PML: variants seen among roughly 807,000 people sequenced by gnomAD.
PML encodes PML nuclear body scaffold, also known as protein PML.
PML carries 28 observed loss-of-function variants against 65.2 expected under a neutral mutation model. The observed-to-expected ratio is 0.43, with a 90% CI of 0.32 to 0.59. The LOEUF (loss-of-function observed/expected upper bound fraction) is 0.59, where lower values mean the gene tolerates loss of function less well. Ranked by LOEUF, PML falls within the 20% of genes least tolerant of loss-of-function variation. The probability of loss-of-function intolerance (pLI) is 0.08; values close to 1 mark genes in which losing one functional copy is unlikely to be tolerated. For synonymous variants in PML, 500 were observed against 508.8 expected (o/e 0.98, Z 0.23); for missense variants, 1,021 against 1,203.4 (o/e 0.85, Z 2.24).
At chr15:74,033,954 T>C (rs1388016328) in intron 6 of PML, 3 of 336,966 alleles carry the variant, frequency 8.9e-6, no homozygotes, top group Non-Finnish European at 1.6e-5. Context: ...AAGAGAGTTC[T>C]AAGGATCTGC....
At chr15:74,038,535 T>G (rs750409076) in intron 7 of PML, among the ~76,000 whole-genome samples, 5 of 152,106 alleles carry the variant, frequency 3.3e-5, no homozygotes, top group Non-Finnish European at 7.4e-5. Flanking sequence ...AAAATATATA[T>G]TTTAAAACCC....
chr15:74,027,227 C>G (rs1462449982), intron 4 of PML: 1 of 152,146 alleles, frequency 6.6e-6, no homozygotes, highest in Non-Finnish European at 1.5e-5. Flanking sequence ...ACAAACAATG[C>G]TACAATGCAT....
chr15:74,047,426 T>A lies in PML; in HGVS notation c.*2418T>A, dbSNP rs1567143066. The A allele has an allele frequency of 4.4e-6, 1 of 229,626 alleles. No individual in the cohort carries two copies. Among genetic ancestry groups the A allele is most frequent in the Non-Finnish European group, 8.6e-6 (1 of 115,814 alleles). 14.2% of individuals were successfully genotyped at this position (229,626 alleles called of 1,614,324 possible). A position where few individuals can be genotyped will look rare whatever the true frequency, so the allele number is the denominator to read the frequency against. ...ATGCCCAGATTCCAGTCCTGGAGTTTTATTCTCTCAGCTTGATCCTTTGAC... is the reference window on the plus strand; with the variant it reads ...ATGCCCAGATTCCAGTCCTGGAGTTATATTCTCTCAGCTTGATCCTTTGAC... On this transcript the variant is annotated 3_prime_UTR_variant, in exon 9 of 9. Coordinates refer to ENST00000268058, the MANE Select transcript of PML (RefSeq NM_033238.3).
chr15:74,045,578 T>C lies in PML; in HGVS notation c.*570T>C, dbSNP rs565403333. On this transcript the variant is annotated 3_prime_UTR_variant, in exon 9 of 9. Transcript: ENST00000268058. ...CTCCTTTCATCCCAGAGGGGCCTCATCAGCAAAGACAGAAACTGATGTTCC... is the reference window on the plus strand; with the variant it reads ...CTCCTTTCATCCCAGAGGGGCCTCACCAGCAAAGACAGAAACTGATGTTCC... 4.3e-6 allele frequency: 1 copy of C among 233,940 alleles called. No individual in the cohort carries two copies. Among genetic ancestry groups the C allele is most frequent in the Admixed American group, 5.6e-5 (1 of 17,830 alleles). 14.5% of individuals were successfully genotyped at this position (233,940 alleles called of 1,614,324 possible).
chr15:74,001,526 A>G (rs2141722650), intron 2 of PML, among the ~76,000 whole-genome samples: 1 of 152,098 alleles, frequency 6.6e-6, no homozygotes, highest in East Asian at 1.9e-4. Context: ...TTTTTAGTAG[A>G]GACGGGGTTT....
intron 7 of PML, among the ~76,000 whole-genome samples, chr15:74,038,791 C>T (rs2071630578): frequency 6.6e-6 from 1 of 152,228 alleles, no homozygotes; most frequent in South Asian, 2.1e-4. Flanking sequence ...TTACTACTTT[C>T]CAAGTGTATC....
rs61751125 is a variant in PML, at chr15:74,044,733, C to T, written c.2374C>T (p.Arg792Trp). The change falls in exon 9 of 9, where the codon CGG (arginine) becomes TGG (tryptophan). Residue 792 changes from arginine to tryptophan, a missense_variant. By Grantham distance (101) the Arg-to-Trp change is moderately radical (BLOSUM62 -3). Coordinates refer to ENST00000268058, the MANE Select transcript of PML (RefSeq NM_033238.3). Reference sequence around the variant, plus strand: ...CCTGGTGCAGGCAGCTGTGCTGCCCCGGGCTGAGGCCCGCCTCCTGGCCCT... The same window carrying T: ...CCTGGTGCAGGCAGCTGTGCTGCCCTGGGCTGAGGCCCGCCTCCTGGCCCT... ...QPLVQAAVLPRAEARLLALHN... is the reference protein window; with the variant it reads ...QPLVQAAVLPWAEARLLALHN... 1.7e-5 allele frequency: 27 copies of T among 1,609,236 alleles called. No individual in the cohort carries two copies. Among genetic ancestry groups the T allele is most frequent in the Admixed American group, 6.7e-5 (4 of 60,014 alleles).
Position 74,037,614 on chromosome 15 carries a change from A to G in PML, c.1710+3084A>G. Reference sequence around the variant, plus strand: ...CCACCTCCTGCGCTTCCCCGCCAGTACCAGGGTGGCCTCTGTGCCTCTAGG... The same window carrying G: ...CCACCTCCTGCGCTTCCCCGCCAGTGCCAGGGTGGCCTCTGTGCCTCTAGG... On this transcript the variant is annotated intron_variant, in intron 7 of 8. Transcript: ENST00000268058. The surrounding 1 kb of genome is among the most constrained non-coding windows in gnomAD (Gnocchi z 4.2). 1.0e-6 allele frequency: 1 copy of G among 985,200 alleles called. No individual in the cohort carries two copies. 61.0% of individuals were successfully genotyped at this position (985,200 alleles called of 1,614,324 possible).
In PML at chr15:74,042,795, C is replaced by T. The variant is rs1159645029; in HGVS notation, c.1711-194C>T. 1.7e-5 allele frequency: 17 copies of T among 985,076 alleles called. No homozygotes were observed. Among genetic ancestry groups the T allele is most frequent in the Non-Finnish European group, 1.9e-5 (16 of 829,782 alleles). 61.0% of individuals were successfully genotyped at this position (985,076 alleles called of 1,614,324 possible). A position where few individuals can be genotyped will look rare whatever the true frequency, so the allele number is the denominator to read the frequency against. ...TATGCCCTGGTTCATACATGTAACC[C>T]TCACATGTGACACACCCAGTTCACA... On this transcript the variant is annotated intron_variant, in intron 7 of 8. Coordinates refer to ENST00000268058, the MANE Select transcript of PML (RefSeq NM_033238.3). The surrounding 1 kb of genome is among the most constrained non-coding windows in gnomAD (Gnocchi z 5.3).
intron 2 of PML, among the ~76,000 whole-genome samples, chr15:73,999,837 T>G (rs2069676713): frequency 6.7e-6 from 1 of 148,644 alleles, no homozygotes; most frequent in African/African-American, 2.5e-5. Flanking sequence ...TTTTTTAATT[T>G]TTTTTTTTTT....
chr15:74,046,028 C>T lies in PML; in HGVS notation c.*1020C>T, dbSNP rs2071767216. The T allele has an allele frequency of 4.3e-6, 1 of 232,780 alleles. No individual in the cohort carries two copies. The highest frequency in any genetic ancestry group is 8.5e-6 in the Non-Finnish European group (1 of 117,778). The allele number at this position is 232,780 out of a possible 1,614,324, so 14.4% of individuals were successfully genotyped here. A position where few individuals can be genotyped will look rare whatever the true frequency, so the allele number is the denominator to read the frequency against. Reference sequence around the variant, plus strand: ...GTGGAACAGCAGAGAAAGTCCCGTCCCTATCTCTGACTGTGCAGTGAGTGT... The same window carrying T: ...GTGGAACAGCAGAGAAAGTCCCGTCTCTATCTCTGACTGTGCAGTGAGTGT... On this transcript the variant is annotated 3_prime_UTR_variant, in exon 9 of 9. Transcript: ENST00000268058.
At chr15:74,012,866 C>T (rs117182415) in intron 2 of PML, among the ~76,000 whole-genome samples, 4 of 152,008 alleles carry the variant, frequency 2.6e-5, no homozygotes, top group Non-Finnish European at 5.9e-5. Flanking sequence ...TTCTGAATTC[C>T]TTGAGTCTCT....
intron 4 of PML, among the ~76,000 whole-genome samples, chr15:74,031,558 A>C (rs1047913569): frequency 6.6e-6 from 1 of 152,200 alleles, no homozygotes; most frequent in African/African-American, 2.4e-5. Context: ...TTGTTTATTC[A>C]GTCATCAGTT....
chr15:74,044,348 C>T lies in PML; in HGVS notation c.1989C>T (p.Leu663=). The change falls in exon 9 of 9, where the codon CTC becomes CTT. Residue 663 remains leucine, a synonymous_variant. Transcript: ENST00000268058. Reference sequence around the variant, plus strand: ...TGGAGGTGGGGCTGCAGCACTTCCTCAGCTTTCTGAGCTCCATGCGCCGCC... The same window carrying T: ...TGGAGGTGGGGCTGCAGCACTTCCTTAGCTTTCTGAGCTCCATGCGCCGCC... ...VSLEVGLQHF[L]SFLSSMRRPI... The T allele has an allele frequency of 6.2e-7, 1 of 1,614,218 alleles. No individual in the cohort carries two copies. The highest frequency in any genetic ancestry group is 1.1e-5 in the South Asian group (1 of 91,090).
chr15:74,011,206 G>C (rs2070318268), intron 2 of PML, among the ~76,000 whole-genome samples: 1 of 152,198 alleles, frequency 6.6e-6, no homozygotes, highest in South Asian at 2.1e-4. Context: ...AAGGGGAAAA[G>C]AGTGTGAATC....
At chr15:74,022,162 G>A (rs904700893) in intron 2 of PML, among the ~76,000 whole-genome samples, 1 of 152,180 alleles carries the variant, frequency 6.6e-6, no homozygotes, top group African/African-American at 2.4e-5. Context: ...TCTCCATGTT[G>A]GTCAGGCAGG....
rs2071499036 is a variant in PML, at chr15:74,035,327, G to A, written c.1710+797G>A. 1.2e-5 allele frequency: 19 copies of A among 1,612,278 alleles called. No homozygotes were observed. Among genetic ancestry groups the A allele is most frequent in the Non-Finnish European group, 1.6e-5 (19 of 1,179,890 alleles). On this transcript the variant is annotated intron_variant, in intron 7 of 8. Coordinates refer to ENST00000268058, the MANE Select transcript of PML (RefSeq NM_033238.3). The surrounding 1 kb of genome is among the most constrained non-coding windows in gnomAD (Gnocchi z 4.1). The stretch of plus-strand genomic sequence containing the variant: ...GTGGCACATACCACCCCCCAGCTTG[G>A]CCTCCCCACCAGCCCGCTGAGCAGG...
chr15:74,011,314 C>T (rs533260723), intron 2 of PML, among the ~76,000 whole-genome samples: 5 of 152,242 alleles, frequency 3.3e-5, no homozygotes, highest in Admixed American at 6.5e-5. Flanking sequence ...CTCAGATTAG[C>T]GTAAGCCTGA....
intron 2 of PML, among the ~76,000 whole-genome samples, chr15:74,020,253 CCTTT>C (rs1162918321): frequency 2.0e-5 from 3 of 151,054 alleles, no homozygotes; most frequent in African/African-American, 7.3e-5. Flanking sequence ...CAGATGAGAC[CCTTT>C]CTTCTGGCCT....
Sources: gnomAD v4.1 joint callset for allele counts (sites outside exome capture counted in the v4.1 genomes callset) on GRCh38, gnomAD v4.1.1 for gene constraint, Gnocchi (gnomAD v3.1) non-coding constraint, MANE v1.5 for transcripts, NCBI Gene and HGNC (gene_info 2026-07-23, HGNC 2026-07-21) for gene names.